Variants in CELF4 observed in about 807,000 individuals in gnomAD.
The protein encoded by CELF4 is CUGBP Elav-like family member 4.
A neutral mutation model predicts 59.9 loss-of-function variants in CELF4; 18 were observed. The observed-to-expected ratio is 0.30, with a 90% CI of 0.21 to 0.45. The LOEUF is 0.45. Among genes scored for constraint, CELF4 ranks in the 20% least tolerant of loss-of-function variants. The pLI is 1.00. For synonymous variants in CELF4, 261 were observed against 267.1 expected (o/e 0.98, Z 0.22); for missense variants, 456 against 689.0 (o/e 0.66, Z 3.79).
chr18:37,408,565 A>G (rs575541213), intron 2 of CELF4, among the ~76,000 whole-genome samples: 12 of 149,810 alleles, frequency 8.0e-5, no homozygotes, highest in African/African-American at 2.9e-4. Context: ...GCAAATCTGA[A>G]GGCCTCATCA....
intron 2 of CELF4, among the ~76,000 whole-genome samples, chr18:37,326,703 G>A (rs1337529897): frequency 6.6e-6 from 1 of 152,158 alleles, no homozygotes; most frequent in Non-Finnish European, 1.5e-5. Context: ...CTTCCAGCCG[G>A]GCGCCCCTCT....
intron 2 of CELF4, among the ~76,000 whole-genome samples, chr18:37,394,663 T>C (rs967905714): frequency 6.6e-6 from 1 of 152,094 alleles, no homozygotes; most frequent in Non-Finnish European, 1.5e-5. Flanking sequence ...CCAGCACCCC[T>C]CCACTCCACT....
chr18:37,451,658 G>C (rs547490044), intron 2 of CELF4, among the ~76,000 whole-genome samples: 4 of 152,162 alleles, frequency 2.6e-5, no homozygotes, highest in Non-Finnish European at 5.9e-5. Context: ...TCACAGCTCA[G>C]TGGCTCCTGA....
intron 2 of CELF4, among the ~76,000 whole-genome samples, chr18:37,459,101 G>A (rs900906937): frequency 6.6e-6 from 1 of 152,136 alleles, no homozygotes; most frequent in Admixed American, 6.5e-5. Flanking sequence ...CAGAGCCCTG[G>A]GACACTTTCT....
chr18:37,547,935 C>G (rs371288554), intron 1 of CELF4, among the ~76,000 whole-genome samples: 51 of 152,014 alleles, frequency 3.4e-4, no homozygotes, highest in African/African-American at 1.2e-3. Context: ...ATGTGTGTGT[C>G]TATGAATGTG....
intron 1 of CELF4, among the ~76,000 whole-genome samples, chr18:37,545,935 G>A (rs1019316501): frequency 6.6e-6 from 1 of 152,112 alleles, no homozygotes; most frequent in African/African-American, 2.4e-5. Flanking sequence ...GAGGTCTCTG[G>A]AGGACACTGT....
At chr18:37,262,217 C>A (rs929386289) in intron 10 of CELF4, among the ~76,000 whole-genome samples, 2 of 152,206 alleles carry the variant, frequency 1.3e-5, no homozygotes, top group Admixed American at 1.3e-4. Flanking sequence ...CCATGCTGTG[C>A]GGCTCTGTTG....
intron 2 of CELF4, among the ~76,000 whole-genome samples, chr18:37,344,254 A>G (rs575593941): frequency 1.3e-5 from 2 of 152,338 alleles, no homozygotes; most frequent in African/African-American, 4.8e-5. Context: ...GACCTGCCCC[A>G]TGGGGTCCAG....
At chr18:37,561,111 C>A (rs2099986399) in intron 1 of CELF4, among the ~76,000 whole-genome samples, 1 of 152,156 alleles carries the variant, frequency 6.6e-6, no homozygotes, top group African/African-American at 2.4e-5. Context: ...ATTGCTCTGT[C>A]CCCACACTTC....
intron 6 of CELF4, chr18:37,273,395 A>C: frequency 7.9e-7 from 1 of 1,270,814 alleles, no homozygotes; most frequent in Admixed American, 3.6e-5. Context: ...GGTCTTTGGA[A>C]CTCCAAAGTT....
intron 2 of CELF4, among the ~76,000 whole-genome samples, chr18:37,384,133 T>C (rs1364390257): frequency 2.0e-5 from 3 of 152,084 alleles, no homozygotes; most frequent in Non-Finnish European, 4.4e-5. Context: ...ATTGATTGAT[T>C]GACGAGAGGA....
At position 37,553,738 on chromosome 18, in the gene CELF4, C is replaced by A. The variant is rs556557556; in HGVS notation, c.286+11618G>T. 4.1e-4 allele frequency among the ~76,000 whole-genome samples: 63 copies of A among 152,256 alleles called. 1 individual carries two copies. Among genetic ancestry groups the A allele is most frequent in the African/African-American group, 1.4e-3 (59 of 41,542 alleles). On this transcript the variant is annotated intron_variant, in intron 1 of 12. Coordinates refer to ENST00000420428, the MANE Select transcript of CELF4 (RefSeq NM_020180.4). ...AATGACGTGGAGAGTCCCCCACCCG[C>A]GCAGGGAGCTGCTGTGCAGAAGGAG...
chr18:37,409,386 C>T (rs2099415573), intron 2 of CELF4, among the ~76,000 whole-genome samples: 2 of 152,082 alleles, frequency 1.3e-5, no homozygotes, highest in Non-Finnish European at 2.9e-5. Context: ...ATTGCAGTCC[C>T]CCAAGGATGC....
intron 1 of CELF4, among the ~76,000 whole-genome samples, chr18:37,538,837 C>G (rs950099995): frequency 1.3e-5 from 2 of 152,196 alleles, no homozygotes; most frequent in African/African-American, 4.8e-5. Flanking sequence ...ACTGGAAGAT[C>G]CAGGCTGTAA....
intron 2 of CELF4, among the ~76,000 whole-genome samples, chr18:37,351,451 T>C (rs991267017): frequency 1.3e-5 from 2 of 152,202 alleles, no homozygotes; most frequent in East Asian, 1.9e-4. Flanking sequence ...CTGAACCTAC[T>C]GCCCAGGTTT....
At chr18:37,339,301 C>T (rs889838812) in intron 2 of CELF4, among the ~76,000 whole-genome samples, 1 of 152,148 alleles carries the variant, frequency 6.6e-6, no homozygotes, top group Non-Finnish European at 1.5e-5. Flanking sequence ...AGTGTTTGTC[C>T]CCCAAATGGA....
chr18:37,390,939 G>A (rs1198374231), intron 2 of CELF4, among the ~76,000 whole-genome samples: 3 of 152,102 alleles, frequency 2.0e-5, no homozygotes, highest in Non-Finnish European at 2.9e-5. Flanking sequence ...ATGGAGCAGA[G>A]GGGCAGCCGC....
At chr18:37,514,915 A>G (rs1603643148) in intron 1 of CELF4, among the ~76,000 whole-genome samples, 1 of 152,174 alleles carries the variant, frequency 6.6e-6, no homozygotes, top group African/African-American at 2.4e-5. Context: ...TTACAGCCCT[A>G]ATTATAAAGG....
At chr18:37,548,232 GT>G (rs1395894381) in intron 1 of CELF4, among the ~76,000 whole-genome samples, 1 of 152,138 alleles carries the variant, frequency 6.6e-6, no homozygotes, top group Non-Finnish European at 1.5e-5. Context: ...CAGGGCTTCA[GT>G]TTTCCCATCT....
Sources: gnomAD v4.1 joint callset for allele counts (sites outside exome capture counted in the v4.1 genomes callset) on GRCh38, gnomAD v4.1.1 for gene constraint, MANE v1.5 for transcripts, NCBI Gene and HGNC (gene_info 2026-07-23, HGNC 2026-07-21) for gene names.